RAD54L: variants seen among roughly 807,000 people sequenced by gnomAD.
RAD54L encodes the protein RAD54 like, also known as DNA repair and recombination protein RAD54-like.
RAD54L carries 74 observed loss-of-function variants against 91.6 expected under a neutral mutation model. The ratio of observed to expected loss-of-function variants is 0.81; its 90% CI spans 0.67 to 0.98. The LOEUF (loss-of-function observed/expected upper bound fraction) is 0.98. Ranked by LOEUF, RAD54L falls within the 50% of genes least tolerant of loss-of-function variation. The probability of loss-of-function intolerance (pLI) is 0.00; values close to 1 mark genes in which losing one functional copy is unlikely to be tolerated. For synonymous variants in RAD54L, 304 were observed against 349.7 expected (o/e 0.87, Z 1.46); for missense variants, 887 against 945.7 (o/e 0.94, Z 0.81).
rs939386741 is a variant in RAD54L at position 46,265,818 on chromosome 1, C to A, written c.892-1641C>A. ...GTGTCCAGACTCAGAGTCATACAGA[C>A]CTGAGTTCAAATCCCAGCTCTGCTA... On this transcript the variant is annotated intron_variant, in intron 8 of 17. Transcript: ENST00000371975. The surrounding 1 kb of genome is among the most constrained non-coding windows in gnomAD (Gnocchi z 4.8). Among the ~76,000 whole-genome samples, 1 of 152,112 alleles carries A rather than the reference C, an allele frequency of 6.6e-6. No homozygotes were observed. Among genetic ancestry groups the A allele is most frequent in the Non-Finnish European group, 1.5e-5 (1 of 68,032 alleles).
At chr1:46,256,893 C>T (rs988177216) in intron 3 of RAD54L, among the ~76,000 whole-genome samples, 11 of 152,124 alleles carry the variant, frequency 7.2e-5, no homozygotes, top group African/African-American at 1.7e-4. Context: ...CCTATAATCC[C>T]AGCACTTTGG....
chr1:46,250,707 G>T (rs1455162412), intron 3 of RAD54L, among the ~76,000 whole-genome samples: 1 of 152,156 alleles, frequency 6.6e-6, no homozygotes, highest in Non-Finnish European at 1.5e-5. Context: ...GGGTCGGGTG[G>T]TTCACGCCTG....
At chr1:46,277,411 G>A (rs1660642824) in intron 16 of RAD54L, 1 of 291,882 alleles carries the variant, frequency 3.4e-6, no homozygotes, top group Non-Finnish European at 6.6e-6. Context: ...TAAAGGATAG[G>A]GGATATATAT....
rs1003116738 is a variant in RAD54L at position 46,260,043 on chromosome 1, C to T, written c.351C>T (p.Ala117=). 3 of 1,614,050 alleles carry T rather than the reference C, an allele frequency of 1.9e-6. No individual in the cohort carries two copies. Among genetic ancestry groups the T allele is most frequent in the African/African-American group, 2.7e-5 (2 of 74,916 alleles). The change falls in exon 5 of 18, where the codon GCC becomes GCT. Residue 117 remains alanine (A), a synonymous_variant. Transcript: ENST00000371975. ...TCCATGACCCCCTGGAAAAAGATGC[C>T]TTGGTTCTGTATGAGCCTCCCCCGC... The part of the protein sequence containing the change: ...RALHDPLEKD[A]LVLYEPPPLS...
At position 46,274,722 on chromosome 1, in the gene RAD54L, G is replaced by C. The variant is rs562723699; in HGVS notation, c.1869+5G>C. The C allele has an allele frequency of 2.5e-6, 4 of 1,613,980 alleles. No homozygotes were observed. Among genetic ancestry groups the C allele is most frequent in the Non-Finnish European group, 3.4e-6 (4 of 1,180,034 alleles). On this transcript the variant is annotated splice_donor_5th_base_variant and intron_variant, in intron 16 of 17. Transcript: ENST00000371975. ...TATATCTACCGCCTGCTGTCTGTAA[G>C]GATGGTGATAGTAGTCATAGTAGGG...
intron 4 of RAD54L, 60 bp from the exon 5 acceptor site, chr1:46,259,904 C>G (rs1660050676): frequency 6.2e-7 from 1 of 1,610,668 alleles, no homozygotes; most frequent in South Asian, 1.1e-5. Context: ...AGTATTTGAG[C>G]TGGGCTTGCT....
Position 46,261,392 on chromosome 1 carries a change from G to A in RAD54L, c.891+7G>A, listed in dbSNP as rs1660120317. ...TCTGGTCATATGTGACGAGGTACTTGACTCTCAGCAGTCTGGGTGGTAGGA... is the reference window on the plus strand; with the variant it reads ...TCTGGTCATATGTGACGAGGTACTTAACTCTCAGCAGTCTGGGTGGTAGGA... On this transcript the variant is annotated splice_region_variant and intron_variant, in intron 8 of 17. Coordinates refer to ENST00000371975, the MANE Select transcript of RAD54L (RefSeq NM_003579.4). 1 of 1,614,024 alleles carries A rather than the reference G, an allele frequency of 6.2e-7. No individual in the cohort carries two copies. The highest frequency in any genetic ancestry group is 8.5e-7 in the Non-Finnish European group (1 of 1,180,004).
At chr1:46,258,607 C>T in intron 3 of RAD54L, 79 bp from the exon 4 acceptor site, 1 of 1,106,770 alleles carries the variant, frequency 9.0e-7, no homozygotes, top group Non-Finnish European at 1.4e-6. Flanking sequence ...TTGTACAAAA[C>T]CTAATGTGAA....
At chr1:46,274,251 C>A in intron 15 of RAD54L, 35 bp downstream of exon 15, 1 of 1,562,500 alleles carries the variant, frequency 6.4e-7, no homozygotes, top group Non-Finnish European at 8.8e-7. Flanking sequence ...ACCACCAATG[C>A]AGTATCATCA....
chr1:46,248,925 C>T (rs1305013671), intron 2 of RAD54L, among the ~76,000 whole-genome samples: 1 of 152,160 alleles, frequency 6.6e-6, no homozygotes, highest in African/African-American at 2.4e-5. Flanking sequence ...CTCTTTGTCC[C>T]CTGCCCAGTG....
In RAD54L at chr1:46,261,251, T is replaced by G; in HGVS notation, c.767-10T>G. On this transcript the variant is annotated splice_polypyrimidine_tract_variant and intron_variant, in intron 7 of 17. Transcript: ENST00000371975. The stretch of plus-strand genomic sequence containing the variant: ...TCTGAATTGTTCCCTTTACACCTTT[T>G]CTGTTGTAGAAGGATTCATGAACCA... 6.2e-7 allele frequency: 1 copy of G among 1,613,702 alleles called. No individual in the cohort carries two copies. The highest frequency in any genetic ancestry group is 8.5e-7 in the Non-Finnish European group (1 of 1,179,918).
chr1:46,270,613 C>A, intron 9 of RAD54L, 46 bp from the exon 10 acceptor site: 1 of 1,610,334 alleles, frequency 6.2e-7, no homozygotes, highest in Non-Finnish European at 8.5e-7. Flanking sequence ...GTGGGAAAAT[C>A]ATTCCTTTTC....
In RAD54L at chr1:46,248,121, C is replaced by A; in HGVS notation, c.-285C>A. 2.1e-6 allele frequency: 1 copy of A among 476,364 alleles called. No homozygotes were observed. Among genetic ancestry groups the A allele is most frequent in the Non-Finnish European group, 3.9e-6 (1 of 255,356 alleles). The allele number at this position is 476,364 out of a possible 1,614,324, so 29.5% of individuals were successfully genotyped here. ...ACTCCACTCCGCCCAGTCTGGGACT[C>A]CACCTGCCTCCTCCCCAATCCCACA... On this transcript the variant is annotated 5_prime_UTR_variant, in exon 1 of 18. Transcript: ENST00000371975.
intron 3 of RAD54L, among the ~76,000 whole-genome samples, chr1:46,257,240 T>C (rs1659970009): frequency 6.6e-6 from 1 of 151,748 alleles, no homozygotes; most frequent in Non-Finnish European, 1.5e-5. Flanking sequence ...AAAACAAAGG[T>C]AAAAATATCA....
Position 46,278,246 on chromosome 1 carries a change from C to T in RAD54L, c.2208C>T (p.His736=), listed in dbSNP as rs1389366532. The T allele has an allele frequency of 1.2e-6, 2 of 1,613,852 alleles. No homozygotes were observed. The highest frequency in any genetic ancestry group is 1.7e-6 in the Non-Finnish European group (2 of 1,179,948). ...AASTAITFVF[H]QRSHEEQRGL... ...CCACTGCCATCACCTTCGTCTTCCA[C>T]CAGCGTTCTCATGAGGAGCAGCGGG... The change falls in exon 18 of 18, where the codon CAC becomes CAT. Residue 736 remains histidine (H), a synonymous_variant. Coordinates refer to ENST00000371975, the MANE Select transcript of RAD54L (RefSeq NM_003579.4).
Position 46,260,980 on chromosome 1 carries a change from A to G in RAD54L, c.731A>G (p.Asp244Gly). Residue 244 changes from aspartate (D) to glycine (G), a missense_variant, in exon 7 of 18, where the codon GAT becomes GGT. Coordinates refer to ENST00000371975, the MANE Select transcript of RAD54L (RefSeq NM_003579.4). ...LGGRIQPLAI[D>G]GGSKDEIDQK... ...GGGAGGATCCAACCTCTGGCCATCG[A>G]TGGAGGATCTAAGGATGAAATAGAC... The G allele has an allele frequency of 3.1e-6, 5 of 1,614,080 alleles. No individual in the cohort carries two copies. The highest frequency in any genetic ancestry group is 4.2e-6 in the Non-Finnish European group (5 of 1,180,034).
chr1:46,277,012 G>T (rs546283329), intron 16 of RAD54L, among the ~76,000 whole-genome samples: 37 of 152,282 alleles, frequency 2.4e-4, no homozygotes, highest in African/African-American at 7.9e-4. Flanking sequence ...GGTCAGGCTG[G>T]TCTCGAACTC....
At chr1:46,258,626 T>G in intron 3 of RAD54L, 60 bp from the exon 4 acceptor site, 74 of 1,251,348 alleles carry the variant, frequency 5.9e-5, no homozygotes, top group Non-Finnish European at 7.8e-5. Context: ...AAGCATATCA[T>G]GATATTGTCC....
rs76683225 is a variant in RAD54L at position 46,263,101 on chromosome 1, T to C, written c.891+1716T>C. Among the ~76,000 whole-genome samples, 1 of 152,162 alleles carries C rather than the reference T, an allele frequency of 6.6e-6. No homozygotes were observed. The highest frequency in any genetic ancestry group is 2.4e-5 in the African/African-American group (1 of 41,440). ...GGTGGTTATTCCAGGCTGGGGGTAC[T>C]TGCAAGAACAAAAGCAGAGATAAGA... On this transcript the variant is annotated intron_variant, in intron 8 of 17. Coordinates refer to ENST00000371975, the MANE Select transcript of RAD54L (RefSeq NM_003579.4). The surrounding 1 kb of genome is among the most constrained non-coding windows in gnomAD (Gnocchi z 4.3).
Sources: gnomAD v4.1 joint callset for allele counts (sites outside exome capture counted in the v4.1 genomes callset) on GRCh38, gnomAD v4.1.1 for gene constraint, Gnocchi (gnomAD v3.1) non-coding constraint, MANE v1.5 for transcripts, NCBI Gene and HGNC (gene_info 2026-07-23, HGNC 2026-07-21) for gene names.